Variants in RCBTB1 observed in about 807,000 individuals in gnomAD.
RCBTB1 encodes the protein RCC1 and BTB domain-containing protein 1.
In RCBTB1, 46 loss-of-function variants were observed where a neutral mutation model predicts 62.4. The observed-to-expected ratio is 0.74, with a 90% confidence interval of 0.58 to 0.94. RCBTB1 has a LOEUF of 0.94. Ranked by LOEUF, RCBTB1 falls within the 40% of genes least tolerant of loss-of-function variation. The pLI is 0.00. For synonymous variants in RCBTB1, 222 were observed against 245.8 expected (o/e 0.90, Z 0.91); for missense variants, 565 against 654.9 (o/e 0.86, Z 1.50).
At chr13:49,570,531 T>A (rs1187835828) in intron 2 of RCBTB1, among the ~76,000 whole-genome samples, 1 of 152,196 alleles carries the variant, frequency 6.6e-6, no homozygotes, top group African/African-American at 2.4e-5. Context: ...TTAAAATCAG[T>A]CAGTATGACA....
rs140432497 is a variant in RCBTB1, at chr13:49,534,514, GCA to G, written c.1456-254_1456-253del. 2.1e-4 allele frequency among the ~76,000 whole-genome samples: 32 copies of G among 149,354 alleles called. 1 individual carries two copies. The East Asian group carries it at 2.2e-3, about 10-fold the overall frequency. ...GACTCTTCAAAACACACACGCGCGC[GCA>G]CACACACACACACGCAAGATCTACA... On this transcript the variant is annotated intron_variant, in intron 12 of 12. Coordinates refer to ENST00000378302, the MANE Select transcript of RCBTB1 (RefSeq NM_018191.4).
At position 49,532,379 on chromosome 13, in the gene RCBTB1, A is replaced by C. The variant is rs1481846949; in HGVS notation, c.*1743T>G. The C allele has an allele frequency of 6.7e-6, 1 of 149,934 alleles. No homozygotes were observed. The highest frequency in any genetic ancestry group is 1.5e-5 in the Non-Finnish European group (1 of 67,314). 9.3% of individuals were successfully genotyped at this position (149,934 alleles called of 1,614,324 possible). ...ACTTTAATTTGTGCTTTTTTTGAAA[A>C]AAAGTTTTCAAGTAAGAGCAATAGT... On this transcript the variant is annotated 3_prime_UTR_variant, in exon 13 of 13. Coordinates refer to ENST00000378302, the MANE Select transcript of RCBTB1 (RefSeq NM_018191.4).
At chr13:49,581,066 T>C (rs982611620) in intron 1 of RCBTB1, among the ~76,000 whole-genome samples, 2 of 152,162 alleles carry the variant, frequency 1.3e-5, no homozygotes, top group Non-Finnish European at 2.9e-5. Context: ...AAAGTCAGCA[T>C]GGCTGCAGCC....
chr13:49,578,467 A>G (rs149827516), intron 2 of RCBTB1, among the ~76,000 whole-genome samples: 402 of 152,336 alleles, frequency 2.6e-3, no homozygotes, highest in African/African-American at 9.0e-3. Context: ...CAACAATGCC[A>G]GGGACATCAT....
chr13:49,533,991 GT>G lies in RCBTB1; in HGVS notation c.*130del. The G allele has an allele frequency of 2.3e-6, 2 of 871,778 alleles. No individual in the cohort carries two copies. Among genetic ancestry groups the G allele is most frequent in the Non-Finnish European group, 3.5e-6 (2 of 569,758 alleles). The allele number at this position is 871,778 out of a possible 1,614,324, so 54.0% of individuals were successfully genotyped here. On this transcript the variant is annotated 3_prime_UTR_variant, in exon 13 of 13. Transcript: ENST00000378302. ...TTGTTATGTTCCTACACAAACAACT[GT>G]GTCCCAGATGTGGAAAAAAACAACC...
chr13:49,567,304 T>A lies in RCBTB1; in HGVS notation c.-25A>T. ...TGACTCTGGCTTCAAGCAATTCCTATAAATAAGCCGACATCTCTGCTGGAA... is the reference window on the plus strand; with the variant it reads ...TGACTCTGGCTTCAAGCAATTCCTAAAAATAAGCCGACATCTCTGCTGGAA... On this transcript the variant is annotated 5_prime_UTR_variant, in exon 3 of 13. Coordinates refer to ENST00000378302, the MANE Select transcript of RCBTB1 (RefSeq NM_018191.4). 1 of 1,611,350 alleles carries A rather than the reference T, an allele frequency of 6.2e-7. No homozygotes were observed. The highest frequency in any genetic ancestry group is 8.5e-7 in the Non-Finnish European group (1 of 1,178,264).
intron 11 of RCBTB1, 44 bp from the exon 12 acceptor site, chr13:49,541,050 T>TA: frequency 6.4e-7 from 1 of 1,566,614 alleles, no homozygotes; most frequent in Non-Finnish European, 8.7e-7. Flanking sequence ...TGTATAATAA[T>TA]TTCCAATACA....
At chr13:49,544,203 C>T (rs1960618418) in intron 10 of RCBTB1, among the ~76,000 whole-genome samples, 1 of 152,182 alleles carries the variant, frequency 6.6e-6, no homozygotes, top group Admixed American at 6.5e-5. Context: ...GGCGTGGTAG[C>T]TCACATCTGT....
intron 5 of RCBTB1, among the ~76,000 whole-genome samples, chr13:49,559,515 G>A (rs1962245449): frequency 6.6e-6 from 1 of 152,108 alleles, no homozygotes; most frequent in South Asian, 2.1e-4. Flanking sequence ...AATTAGGCGG[G>A]TGTGGTGGTG....
intron 8 of RCBTB1, 192 bp downstream of exon 8, chr13:49,551,134 G>C (rs1013011579): frequency 3.8e-6 from 2 of 526,110 alleles, no homozygotes; most frequent in Non-Finnish European, 6.4e-6. Context: ...AGGGGGGAGG[G>C]AGAAGGGGGA....
At chr13:49,574,475 A>C (rs1464377713) in intron 2 of RCBTB1, among the ~76,000 whole-genome samples, 1 of 152,198 alleles carries the variant, frequency 6.6e-6, no homozygotes, top group Non-Finnish European at 1.5e-5. Flanking sequence ...AAATATTTCC[A>C]ATGAAAATAA....
intron 9 of RCBTB1, among the ~76,000 whole-genome samples, chr13:49,549,194 T>C (rs890026183): frequency 6.6e-6 from 1 of 150,934 alleles, no homozygotes; most frequent in African/African-American, 2.5e-5. Context: ...AACTAAACTG[T>C]ACCCTTTACA....
At chr13:49,576,293 G>A (rs1963784105) in intron 2 of RCBTB1, among the ~76,000 whole-genome samples, 1 of 148,436 alleles carries the variant, frequency 6.7e-6, no homozygotes, top group Non-Finnish European at 1.5e-5. Flanking sequence ...TGACTAAAAT[G>A]TGTAATTAAA....
intron 4 of RCBTB1, among the ~76,000 whole-genome samples, chr13:49,566,271 A>AAAAT (rs373186397): frequency 0.025 from 2,384 of 94,852 alleles, 26 homozygotes; most frequent in Admixed American, 0.03. Flanking sequence ...AAAATAAAAT[A>AAAAT]AAATAAATAA....
chr13:49,564,691 A>C (rs1001823921), intron 4 of RCBTB1, among the ~76,000 whole-genome samples: 1 of 151,068 alleles, frequency 6.6e-6, no homozygotes, highest in Non-Finnish European at 1.5e-5. Context: ...GGAGATCGAG[A>C]CCATCCTGGC....
In RCBTB1 at chr13:49,540,861, T is replaced by C; in HGVS notation, c.1455+15A>G. 6.2e-7 allele frequency: 1 copy of C among 1,609,976 alleles called. No individual in the cohort carries two copies. Reference sequence around the variant, plus strand: ...AGTTAAAGGTGGTCTGGTTTCTGTTTGTTGTTTAAGTTACCTCTGCATCAT... The same window carrying C: ...AGTTAAAGGTGGTCTGGTTTCTGTTCGTTGTTTAAGTTACCTCTGCATCAT... On this transcript the variant is annotated intron_variant, in intron 12 of 12. Coordinates refer to ENST00000378302, the MANE Select transcript of RCBTB1 (RefSeq NM_018191.4).
Position 49,532,088 on chromosome 13 carries a change from G to T in RCBTB1, c.*2034C>A, listed in dbSNP as rs959395270. The T allele has an allele frequency of 1.3e-5, 2 of 152,370 alleles. No homozygotes were observed. The highest frequency in any genetic ancestry group is 6.6e-5 in the Admixed American group (1 of 15,246). 9.4% of individuals were successfully genotyped at this position (152,370 alleles called of 1,614,324 possible). On this transcript the variant is annotated 3_prime_UTR_variant, in exon 13 of 13. Coordinates refer to ENST00000378302, the MANE Select transcript of RCBTB1 (RefSeq NM_018191.4). ...TATCTTAAGAAATATGAATACTTTGGCTTCCATTATTACATTAGATGAAAA... is the reference window on the plus strand; with the variant it reads ...TATCTTAAGAAATATGAATACTTTGTCTTCCATTATTACATTAGATGAAAA...
intron 1 of RCBTB1, among the ~76,000 whole-genome samples, chr13:49,581,922 C>T (rs774494134): frequency 5.9e-5 from 9 of 152,096 alleles, no homozygotes; most frequent in Non-Finnish European, 1.2e-4. Context: ...CAGGTTGAGG[C>T]GTATGTGAAA....
rs374283892 is a variant in RCBTB1 at position 49,566,671 on chromosome 13, T to A, written c.224A>T (p.Lys75Met). ...PKKLEGLCGK[K>M]IKSLSYGSGP... ...ACTCCCGTAACTGAGGCTTTTAATCTTCTTTCCACATAAGCCTTCTAGCTT... is the reference window on the plus strand; with the variant it reads ...ACTCCCGTAACTGAGGCTTTTAATCATCTTTCCACATAAGCCTTCTAGCTT... Residue 75 changes from lysine (K) to methionine (M), a missense_variant, in exon 4 of 13, where the codon AAG (lysine) becomes ATG (methionine). By Grantham distance (95) the Lys-to-Met change is moderately conservative (BLOSUM62 -1). Coordinates refer to ENST00000378302, the MANE Select transcript of RCBTB1 (RefSeq NM_018191.4). The A allele has an allele frequency of 3.1e-6, 5 of 1,614,196 alleles. No homozygotes were observed. Among genetic ancestry groups the A allele is most frequent in the Non-Finnish European group, 3.4e-6 (4 of 1,180,020 alleles).
Sources: gnomAD v4.1 joint callset for allele counts (sites outside exome capture counted in the v4.1 genomes callset) on GRCh38, gnomAD v4.1.1 for gene constraint, MANE v1.5 for transcripts, NCBI Gene and HGNC (gene_info 2026-07-23, HGNC 2026-07-21) for gene names.